Variants in IL15RA observed in about 807,000 individuals in gnomAD.
IL15RA encodes the protein interleukin 15 receptor subunit alpha.
A neutral mutation model predicts 24.2 loss-of-function variants in IL15RA; 26 were observed. That is an observed-to-expected ratio of 1.07 (90% CI 0.79 to 1.49). The LOEUF is 1.49. Ranked by LOEUF, IL15RA falls within the 40% of genes most tolerant of loss-of-function variation. The probability of loss-of-function intolerance (pLI) is 0.00; values close to 1 mark genes in which losing one functional copy is unlikely to be tolerated. For missense variants in IL15RA, 354 were observed against 356.4 expected (o/e 0.99, Z 0.05); for synonymous variants, 166 against 157.6 (o/e 1.05, Z -0.40).
chr10:5,968,438 C>G lies in IL15RA; in HGVS notation c.89-2099G>C, dbSNP rs1836979459. On this transcript the variant is annotated intron_variant, in intron 1 of 6. Coordinates refer to ENST00000379977, the MANE Select transcript of IL15RA (RefSeq NM_002189.4). This position sits in a 1 kb window ranked among gnomAD's most constrained non-coding sequence, Gnocchi z 5.4. ...TCTCCTCTGTCACAGGGGCAGCGCT[C>G]TGCTCACTTCCTGTCTCAGGCATCT... Among the ~76,000 whole-genome samples the G allele has an allele frequency of 6.6e-6, 1 of 152,214 alleles. No individual in the cohort carries two copies. The highest frequency in any genetic ancestry group is 1.5e-5 in the Non-Finnish European group (1 of 68,042).
chr10:5,953,870 A>G lies in IL15RA; in HGVS notation c.693-664T>C, dbSNP rs760276909. On this transcript the variant is annotated intron_variant, in intron 6 of 6. Transcript: ENST00000379977. This position sits in a 1 kb window ranked among gnomAD's most constrained non-coding sequence, Gnocchi z 5.3. ...GGTCATACGTGGCTGGCCTGTCTGGAGCTGCCTGGGTGCTGATGCCCTGGG... is the reference window on the plus strand; with the variant it reads ...GGTCATACGTGGCTGGCCTGTCTGGGGCTGCCTGGGTGCTGATGCCCTGGG... 4.1e-4 allele frequency: 64 copies of G among 156,596 alleles called. No individual in the cohort carries two copies. The highest frequency in any genetic ancestry group is 5.1e-4 in the Non-Finnish European group (36 of 70,590). 9.7% of individuals were successfully genotyped at this position (156,596 alleles called of 1,614,324 possible).
In IL15RA at chr10:5,976,262, C is replaced by T. The variant is rs8177766; in HGVS notation, c.88+1143G>A. The stretch of plus-strand genomic sequence containing the variant: ...ATGAAAACGAAACTTCAAGAAGCCT[C>T]GCAGAGCTGGGGTGGGGGTGGCAGA... On this transcript the variant is annotated intron_variant, in intron 1 of 6. Coordinates refer to ENST00000379977, the MANE Select transcript of IL15RA (RefSeq NM_002189.4). Among the ~76,000 whole-genome samples the T allele has an allele frequency of 5.9e-3, 847 of 142,690 alleles. 9 individuals carry two copies. The highest frequency in any genetic ancestry group is 9.4e-3 in the Non-Finnish European group (626 of 66,726). 93.6% of individuals were successfully genotyped at this position (142,690 alleles called of 152,430 possible).
At position 5,957,157 on chromosome 10, in the gene IL15RA, C is replaced by T. The variant is rs1834659886; in HGVS notation, c.617-703G>A. On this transcript the variant is annotated intron_variant, in intron 5 of 6. Coordinates refer to ENST00000379977, the MANE Select transcript of IL15RA (RefSeq NM_002189.4). ...TGTATTTTCAGTAGAGACGGGGTTT[C>T]ACCATGTTGGCCAGGCTAGTCTCAA... 3.3e-5 allele frequency among the ~76,000 whole-genome samples: 5 copies of T among 151,272 alleles called. No individual in the cohort carries two copies. In the South Asian group the frequency reaches 1.0e-3, roughly 32 times the overall value.
chr10:5,960,236 G>C lies in IL15RA; in HGVS notation c.583+131C>G. On this transcript the variant is annotated intron_variant, in intron 4 of 6. Transcript: ENST00000379977. The surrounding 1 kb of genome is among the most constrained non-coding windows in gnomAD (Gnocchi z 5.1). ...GCCAGGACGCCGTGGCTGGTGGCCG[G>C]GGCCAGCAGGCTGCCCAGTGAATCC... 2.3e-6 allele frequency: 2 copies of C among 862,346 alleles called. No individual in the cohort carries two copies. Among genetic ancestry groups the C allele is most frequent in the Non-Finnish European group, 1.9e-6 (1 of 531,394 alleles). The allele number at this position is 862,346 out of a possible 1,614,324, so 53.4% of individuals were successfully genotyped here. A position where few individuals can be genotyped will look rare whatever the true frequency, so the allele number is the denominator to read the frequency against.
chr10:5,959,778 G>A lies in IL15RA; in HGVS notation c.592C>T (p.Pro198Ser). ...CCAGTGGTGTCGCTGTGGCCCTGTG[G>A]ATACACACCTGCGGAAAAGAGAGGA... Reference protein sequence around the residue: ...SASHQPPGVYPQGHSDTTVAI... With the variant: ...SASHQPPGVYSQGHSDTTVAI... Residue 198 changes from proline to serine, a missense_variant, in exon 5 of 7, where the codon CCA becomes TCA. Pro to Ser is a moderately conservative substitution (Grantham distance 74). Coordinates refer to ENST00000379977, the MANE Select transcript of IL15RA (RefSeq NM_002189.4). The surrounding 1 kb of genome is among the most constrained non-coding windows in gnomAD (Gnocchi z 4.1). The A allele has an allele frequency of 3.1e-6, 5 of 1,613,954 alleles. No homozygotes were observed. The highest frequency in any genetic ancestry group is 4.2e-6 in the Non-Finnish European group (5 of 1,179,942).
downstream of IL15RA, among the ~76,000 whole-genome samples, chr10:5,951,879 T>C (rs989400330): frequency 3.9e-5 from 6 of 152,098 alleles, no homozygotes; most frequent in African/African-American, 1.4e-4. Context: ...AGGGTGTTCT[T>C]GAACTCCTGG....
chr10:5,956,829 A>T (rs376412337), intron 5 of IL15RA, among the ~76,000 whole-genome samples: 1 of 152,194 alleles, frequency 6.6e-6, no homozygotes, highest in East Asian at 1.9e-4. Flanking sequence ...GGGTTGAAAA[A>T]GCAGACAGGG....
At chr10:5,949,120 G>T (rs1329163341), downstream of IL15RA, 1 of 434,286 alleles carries the variant, frequency 2.3e-6, no homozygotes, top group African/African-American at 2.0e-5. This position sits in a 1 kb window ranked among gnomAD's most constrained non-coding sequence, Gnocchi z 4.4. Context: ...GTGCAGCACA[G>T]CTGGAGACAG....
At chr10:5,977,353 T>C (rs945426933) in intron 1 of IL15RA, 52 bp downstream of exon 1, 5 of 911,478 alleles carry the variant, frequency 5.5e-6, no homozygotes, top group African/African-American at 1.8e-5. Context: ...CAGCTCCACG[T>C]CCCGGCCCCC....
chr10:5,961,831 C>T lies in IL15RA; in HGVS notation c.383-1264G>A, dbSNP rs990376798. On this transcript the variant is annotated intron_variant, in intron 3 of 6. Coordinates refer to ENST00000379977, the MANE Select transcript of IL15RA (RefSeq NM_002189.4). This position sits in a 1 kb window ranked among gnomAD's most constrained non-coding sequence, Gnocchi z 5.2. The stretch of plus-strand genomic sequence containing the variant: ...TGGCTCTCTGGACGCACTGTTGTTG[C>T]CGCGTTCCCATGGTCTCCCAGCCAC... 3.9e-5 allele frequency among the ~76,000 whole-genome samples: 6 copies of T among 152,220 alleles called. No individual in the cohort carries two copies. Among genetic ancestry groups the T allele is most frequent in the Non-Finnish European group, 7.3e-5 (5 of 68,040 alleles).
chr10:5,957,869 G>A (rs1834799534), intron 5 of IL15RA, among the ~76,000 whole-genome samples: 1 of 152,188 alleles, frequency 6.6e-6, no homozygotes, highest in Admixed American at 6.5e-5. Context: ...TGGAATTACA[G>A]GCATGAGCCA....
rs1412910152 is a variant in IL15RA, at chr10:5,973,550, G to T, written c.88+3855C>A. On this transcript the variant is annotated intron_variant, in intron 1 of 6. Coordinates refer to ENST00000379977, the MANE Select transcript of IL15RA (RefSeq NM_002189.4). This position sits in a 1 kb window ranked among gnomAD's most constrained non-coding sequence, Gnocchi z 4.5. ...TGATGTTCAAAAGGTATAAGAGAAG[G>T]TCAGTGAAGATAATCTTTTCAATAA... Among the ~76,000 whole-genome samples the T allele has an allele frequency of 6.6e-6, 1 of 152,170 alleles. No individual in the cohort carries two copies. The highest frequency in any genetic ancestry group is 2.4e-5 in the African/African-American group (1 of 41,438).
rs8177639 is a variant in IL15RA at position 5,975,592 on chromosome 10, G to GA, written c.88+1812dup. ...TATACCTCAATAAGGCTGTTAAAGG[G>GA]AAAAAAAACAACGGCTGGGCAAGCT... On this transcript the variant is annotated intron_variant, in intron 1 of 6. Coordinates refer to ENST00000379977, the MANE Select transcript of IL15RA (RefSeq NM_002189.4). The surrounding 1 kb of genome is among the most constrained non-coding windows in gnomAD (Gnocchi z 4.8). 0.37 allele frequency among the ~76,000 whole-genome samples: 55,424 copies of GA among 151,368 alleles called. 10,815 individuals are homozygous for GA. The highest frequency in any genetic ancestry group is 0.43 in the Non-Finnish European group (28,813 of 67,780).
chr10:5,957,734 GGC>G (rs1834772213), intron 5 of IL15RA, among the ~76,000 whole-genome samples: 1 of 151,938 alleles, frequency 6.6e-6, no homozygotes, highest in East Asian at 1.9e-4. Context: ...TGGGATTTCA[GGC>G]GCCTGCCACC....
chr10:5,954,231 G>T (rs912296646), intron 6 of IL15RA, among the ~76,000 whole-genome samples: 1 of 145,382 alleles, frequency 6.9e-6, no homozygotes. Flanking sequence ...GAGTGCAGTG[G>T]TGTGATGCTG....
intron 5 of IL15RA, among the ~76,000 whole-genome samples, chr10:5,957,594 T>TTC (rs1491498948): frequency 5.9e-5 from 2 of 33,998 alleles, no homozygotes; most frequent in East Asian, 5.2e-4. Flanking sequence ...TTTCTTCTTC[T>TTC]TTTTTTTTTT....
chr10:5,960,585 G>C lies in IL15RA; in HGVS notation c.383-18C>G. Reference sequence around the variant, plus strand: ...TGCGGGCTCTGTAGGAGAGTCCAAGGCAGGGACAACATCAGTGTGCAGACT... The same window carrying C: ...TGCGGGCTCTGTAGGAGAGTCCAAGCCAGGGACAACATCAGTGTGCAGACT... On this transcript the variant is annotated intron_variant, in intron 3 of 6. Transcript: ENST00000379977. The surrounding 1 kb of genome is among the most constrained non-coding windows in gnomAD (Gnocchi z 5.1). 6.2e-7 allele frequency: 1 copy of C among 1,610,714 alleles called. No homozygotes were observed. The highest frequency in any genetic ancestry group is 8.5e-7 in the Non-Finnish European group (1 of 1,177,838).
intron 1 of IL15RA, among the ~76,000 whole-genome samples, chr10:5,976,331 C>A (rs1424154616): frequency 6.6e-6 from 1 of 152,188 alleles, no homozygotes; most frequent in East Asian, 1.9e-4. Flanking sequence ...AGCAACTGTG[C>A]GTGGAATGGC....
rs569141176 is a variant in IL15RA, at chr10:5,964,975, G to A, written c.284-1134C>T. 6.6e-6 allele frequency among the ~76,000 whole-genome samples: 1 copy of A among 152,284 alleles called. No individual in the cohort carries two copies. Among genetic ancestry groups the A allele is most frequent in the African/African-American group, 2.4e-5 (1 of 41,558 alleles). ...TGTGACTCGCTCTGTTCTGGGGGAG[G>A]AGGCTGAGCTACCACTACCAAGCCA... is the stretch of plus-strand genomic sequence containing the variant. On this transcript the variant is annotated intron_variant, in intron 2 of 6. Transcript: ENST00000379977. The surrounding 1 kb of genome is among the most constrained non-coding windows in gnomAD (Gnocchi z 5.6).
Sources: allele counts gnomAD v4.1 joint callset (sites outside exome capture counted in the v4.1 genomes callset), GRCh38; gene constraint gnomAD v4.1.1; non-coding constraint Gnocchi (gnomAD v3.1); transcripts MANE v1.5; gene names NCBI Gene and HGNC (gene_info 2026-07-23, HGNC 2026-07-21).